FLNB: variants seen among roughly 807,000 people sequenced by gnomAD.
FLNB encodes filamin B, also known as filamin-B.
Under a neutral mutation model 250.6 loss-of-function variants are expected in FLNB, and 111 were observed. That is an observed-to-expected ratio of 0.44 (90% CI 0.38 to 0.52). FLNB has a LOEUF of 0.52. Ranked by LOEUF, FLNB falls within the 20% of genes least tolerant of loss-of-function variation. The pLI, the probability that FLNB is intolerant of heterozygous loss-of-function variation, is 0.00. For missense variants in FLNB, 2,869 were observed against 3,447.8 expected, an observed-to-expected ratio of 0.83 and a Z score of 4.20; for synonymous variants, 1,302 against 1,372.1, an observed-to-expected ratio of 0.95 and a Z score of 1.13.
chr3:58,058,886 G>C (rs146023362), intron 1 of FLNB, among the ~76,000 whole-genome samples: 2 of 152,314 alleles, frequency 1.3e-5, no homozygotes, highest in Non-Finnish European at 1.5e-5. Context: ...GAATGTTTGG[G>C]AGACTTGTTC....
At chr3:58,151,699 A>T (rs999957382) in intron 38 of FLNB, among the ~76,000 whole-genome samples, 2 of 152,240 alleles carry the variant, frequency 1.3e-5, no homozygotes, top group African/African-American at 4.8e-5. Context: ...TGATAGAAAA[A>T]GAGAGATTCC....
intron 1 of FLNB, among the ~76,000 whole-genome samples, chr3:58,070,463 G>A (rs940662566): frequency 1.3e-5 from 2 of 152,152 alleles, no homozygotes; most frequent in African/African-American, 4.8e-5. Context: ...TGTTCAAACC[G>A]ATGTATCTAG....
At position 58,121,411 on chromosome 3, in the gene FLNB, G is replaced by GGGCT; in HGVS notation, c.3036_3039dup (p.Tyr1014AlafsTer80). On this transcript the variant is annotated frameshift_variant, in exon 20 of 46. Coordinates refer to ENST00000295956, the MANE Select transcript of FLNB (RefSeq NM_001457.4). LOFTEE classifies it high-confidence loss of function. ...GGCCAAGTTCATCCCTCGGGAGGAG[G>GGGCT]GGCTGTATGCTGTAGACGTGACCTA... The GGGCT allele has an allele frequency of 6.2e-7, 1 of 1,614,152 alleles. No individual in the cohort carries two copies. The highest frequency in any genetic ancestry group is 8.5e-7 in the Non-Finnish European group (1 of 1,180,026).
chr3:58,120,738 AACACCAAAAG>A (rs2097287386), intron 19 of FLNB, among the ~76,000 whole-genome samples: 3 of 152,228 alleles, frequency 2.0e-5, no homozygotes, highest in African/African-American at 7.2e-5. Flanking sequence ...ATATCAAGTT[AACACCAAAAG>A]TAAGTAAATA....
At chr3:58,136,263 G>A in intron 28 of FLNB, 95 bp downstream of exon 28, 5 of 1,256,430 alleles carry the variant, frequency 4.0e-6, no homozygotes, top group Non-Finnish European at 5.7e-6. Flanking sequence ...TACATGATCT[G>A]GGCACGTTGC....
chr3:58,121,272 C>T lies in FLNB; in HGVS notation c.2895C>T (p.Thr965=), dbSNP rs748235033. 2.2e-5 allele frequency: 35 copies of T among 1,613,988 alleles called. No homozygotes were observed. Among genetic ancestry groups the T allele is most frequent in the Admixed American group, 1.5e-4 (9 of 59,998 alleles). The change falls in exon 20 of 46, where the codon ACC becomes ACT. Residue 965 remains threonine (T), a synonymous_variant. Coordinates refer to ENST00000295956, the MANE Select transcript of FLNB (RefSeq NM_001457.4). ...RVEVGKDQEF[T]VDTRGAGGQG... ...AAGTTGGGAAGGATCAGGAGTTCAC[C>T]GTTGATACCAGGGGGGCAGGAGGCC...
intron 43 of FLNB, 63 bp from the exon 44 acceptor site, chr3:58,168,377 C>G (rs1247947477): frequency 2.3e-6 from 3 of 1,290,676 alleles, no homozygotes; most frequent in African/African-American, 2.9e-5. Flanking sequence ...TCACCACGGC[C>G]TCAGTGCTCC....
At chr3:58,132,497 T>A (rs1358357285) in intron 25 of FLNB, 1 of 471,820 alleles carries the variant, frequency 2.1e-6, no homozygotes, top group African/African-American at 2.0e-5. Context: ...TATTGTGTCT[T>A]CAACACACAT....
At chr3:58,053,906 G>A (rs2097166462) in intron 1 of FLNB, among the ~76,000 whole-genome samples, 1 of 152,214 alleles carries the variant, frequency 6.6e-6, no homozygotes, top group Admixed American at 6.5e-5. Flanking sequence ...GTGTTCACAA[G>A]TTGCTGCACA....
chr3:58,100,047 A>G (rs1166248402), intron 8 of FLNB, among the ~76,000 whole-genome samples: 2 of 152,064 alleles, frequency 1.3e-5, no homozygotes, highest in Non-Finnish European at 2.9e-5. Flanking sequence ...GTGTTTCTTA[A>G]GACACATTAA....
rs962348135 is a variant in FLNB at position 58,172,172 on chromosome 3, A to T, written c.*1410A>T. The T allele has an allele frequency of 7.2e-5, 11 of 152,614 alleles. No individual in the cohort carries two copies. Among genetic ancestry groups the T allele is most frequent in the African/African-American group, 2.7e-4 (11 of 41,434 alleles). 9.5% of individuals were successfully genotyped at this position (152,614 alleles called of 1,614,324 possible). ...AGGACCACGGGTGTTGTAAGCTGGG[A>T]CACGGAAGCCAAACTGGAATCAAAC... On this transcript the variant is annotated 3_prime_UTR_variant, in exon 46 of 46. Coordinates refer to ENST00000295956, the MANE Select transcript of FLNB (RefSeq NM_001457.4).
chr3:58,110,297 CTT>C (rs1454830743), intron 16 of FLNB, 127 bp downstream of exon 16: 2 of 978,940 alleles, frequency 2.0e-6, no homozygotes, highest in African/African-American at 3.2e-5. Flanking sequence ...GAGTCTCACT[CTT>C]TCACCCAAGC....
intron 22 of FLNB, among the ~76,000 whole-genome samples, 158 bp downstream of exon 22, chr3:58,124,663 C>T (rs1447955589): frequency 6.6e-6 from 1 of 152,252 alleles, no homozygotes; most frequent in Non-Finnish European, 1.5e-5. Context: ...CTGCAGTCAC[C>T]TGCCCACTCA....
intron 1 of FLNB, among the ~76,000 whole-genome samples, chr3:58,026,944 T>C (rs940701259): frequency 2.0e-5 from 3 of 152,282 alleles, no homozygotes; most frequent in African/African-American, 7.2e-5. Flanking sequence ...ACTTTTTCCA[T>C]GTGATGGGGC....
chr3:58,105,636 T>A (rs2097258359), intron 11 of FLNB, among the ~76,000 whole-genome samples: 1 of 152,106 alleles, frequency 6.6e-6, no homozygotes, highest in Admixed American at 6.6e-5. Context: ...ATATCAGGAG[T>A]CAGCCAGCTT....
intron 1 of FLNB, among the ~76,000 whole-genome samples, chr3:58,071,561 G>A (rs562323283): frequency 6.6e-6 from 1 of 152,120 alleles, no homozygotes; most frequent in Non-Finnish European, 1.5e-5. Context: ...TTATAGGTGT[G>A]AGCCACCATG....
At chr3:58,104,191 T>C in intron 10 of FLNB, 106 bp downstream of exon 10, 1 of 1,176,206 alleles carries the variant, frequency 8.5e-7, no homozygotes, top group South Asian at 1.5e-5. Context: ...ATCTGCTTTG[T>C]TGAAAACTTT....
Position 58,169,532 on chromosome 3 carries a change from T to G in FLNB, c.7418-58T>G. The G allele has an allele frequency of 5.6e-6, 8 of 1,425,256 alleles. No individual in the cohort carries two copies. Among genetic ancestry groups the G allele is most frequent in the Non-Finnish European group, 7.9e-6 (8 of 1,007,818 alleles). The allele number at this position is 1,425,256 out of a possible 1,614,324, so 88.3% of individuals were successfully genotyped here. ...GTAGGGTACTCGCCTGTCCTCTGGC[T>G]GAGAGACCCCTCTTGATCTGGCCAT... On this transcript the variant is annotated intron_variant, in intron 44 of 45. Transcript: ENST00000295956. The surrounding 1 kb of genome is among the most constrained non-coding windows in gnomAD (Gnocchi z 4.8).
chr3:58,056,353 G>C (rs189754461), intron 1 of FLNB, among the ~76,000 whole-genome samples: 1 of 150,624 alleles, frequency 6.6e-6, no homozygotes, highest in Admixed American at 6.6e-5. Context: ...TGCCTACCTC[G>C]GGCTCCCAAA....
Sources: allele counts gnomAD v4.1 joint callset (sites outside exome capture counted in the v4.1 genomes callset), GRCh38; gene constraint gnomAD v4.1.1; non-coding constraint Gnocchi (gnomAD v3.1); transcripts MANE v1.5; gene names NCBI Gene and HGNC (gene_info 2026-07-23, HGNC 2026-07-21).